Variants in DACH2 observed in about 807,000 individuals in gnomAD.
DACH2 encodes the protein dachshund family transcription factor 2, also known as dachshund homolog 2.
A neutral mutation model predicts 35.8 loss-of-function variants in DACH2; 17 were observed. The observed-to-expected ratio is 0.48, with a 90% CI of 0.33 to 0.71. The LOEUF (loss-of-function observed/expected upper bound fraction) is 0.71. Ranked by LOEUF, DACH2 falls within the 30% of genes least tolerant of loss-of-function variation. The pLI, the probability that DACH2 is intolerant of heterozygous loss-of-function variation, is 0.02. For synonymous variants in DACH2, 195 were observed against 177.3 expected (o/e 1.10, Z -0.79); for missense variants, 469 against 472.7 (o/e 0.99, Z 0.07).
intron 4 of DACH2, among the ~76,000 whole-genome samples, chrX:86,670,654 T>C (rs2040754321): frequency 9.0e-6 from 1 of 111,393 alleles, no homozygotes; most frequent in African/African-American, 3.3e-5. Context: ...ACAACAGCTT[T>C]TAACAGTAAA....
At chrX:86,549,295 C>T (rs11092801) in intron 3 of DACH2, among the ~76,000 whole-genome samples, 21,016 of 110,479 alleles carry the variant, frequency 0.19, 1,545 homozygotes, top group East Asian at 0.27. Context: ...TAATATGATA[C>T]ATGTTTAAAA....
chrX:86,687,310 A>G (rs1286342194), intron 4 of DACH2, among the ~76,000 whole-genome samples: 1 of 111,351 alleles, frequency 9.0e-6, no homozygotes, highest in Non-Finnish European at 1.9e-5. Flanking sequence ...ACCACTGGTC[A>G]CTAGAGAAAT....
chrX:86,216,612 A>G (rs187931856), intron 1 of DACH2, among the ~76,000 whole-genome samples: 1,222 of 111,762 alleles, frequency 0.011, 23 homozygotes, highest in African/African-American at 0.038. Flanking sequence ...TAAAAGTTTC[A>G]TATTTGAGAG....
chrX:86,268,816 G>A (rs1184025531), intron 1 of DACH2, among the ~76,000 whole-genome samples: 1 of 110,705 alleles, frequency 9.0e-6, no homozygotes, highest in Non-Finnish European at 1.9e-5. Flanking sequence ...TTACAAGTGT[G>A]ACTCACCGAG....
chrX:86,411,850 A>G (rs1315769221), intron 2 of DACH2, among the ~76,000 whole-genome samples: 3 of 110,993 alleles, frequency 2.7e-5, no homozygotes, highest in South Asian at 3.8e-4. Context: ...CAAGCACCTC[A>G]GCAGGTTGTG....
At chrX:86,492,347 A>G (rs2038105655) in intron 2 of DACH2, among the ~76,000 whole-genome samples, 1 of 111,807 alleles carries the variant, frequency 8.9e-6, no homozygotes, top group Non-Finnish European at 1.9e-5. Context: ...AACTTTTTCC[A>G]CTACAACACA....
intron 3 of DACH2, among the ~76,000 whole-genome samples, chrX:86,603,507 C>T (rs373299122): frequency 2.6e-4 from 29 of 110,739 alleles, no homozygotes; most frequent in East Asian, 2.6e-3. Context: ...AAAATCTCAT[C>T]TAAATCATCT....
intron 3 of DACH2, among the ~76,000 whole-genome samples, chrX:86,568,243 T>C (rs2039317808): frequency 9.0e-6 from 1 of 111,188 alleles, no homozygotes; most frequent in Non-Finnish European, 1.9e-5. Context: ...CGAAATCACA[T>C]AGAATATACA....
At chrX:86,819,127 A>G (rs947109510) in intron 11 of DACH2, among the ~76,000 whole-genome samples, 4 of 108,608 alleles carry the variant, frequency 3.7e-5, no homozygotes, top group African/African-American at 1.3e-4. Context: ...GTTGTTTGAC[A>G]GAGACGATAA....
intron 3 of DACH2, among the ~76,000 whole-genome samples, chrX:86,517,866 A>G (rs1171414354): frequency 9.0e-6 from 1 of 111,440 alleles, no homozygotes; most frequent in Non-Finnish European, 1.9e-5. Flanking sequence ...CTCTGTTGAT[A>G]GTTTCTTTTG....
intron 1 of DACH2, among the ~76,000 whole-genome samples, chrX:86,330,894 T>C (rs771637024): frequency 2.7e-5 from 3 of 112,029 alleles, no homozygotes; most frequent in Non-Finnish European, 5.6e-5. Context: ...GATTTTGTCC[T>C]GAGTTCCTAA....
At chrX:86,271,422 A>G (rs2033811742) in intron 1 of DACH2, among the ~76,000 whole-genome samples, 1 of 112,251 alleles carries the variant, frequency 8.9e-6, no homozygotes, top group Non-Finnish European at 1.9e-5. Context: ...ATATTTCTAT[A>G]ATATATTTGC....
chrX:86,726,470 G>A (rs1283690868), intron 6 of DACH2, among the ~76,000 whole-genome samples: 8 of 111,041 alleles, frequency 7.2e-5, no homozygotes, highest in African/African-American at 2.6e-4. Context: ...GCAGCCTCAA[G>A]CAGGGTGGCG....
intron 2 of DACH2, among the ~76,000 whole-genome samples, chrX:86,419,526 T>G (rs137975941): frequency 5.4e-5 from 6 of 111,312 alleles, no homozygotes; most frequent in East Asian, 5.7e-4. Flanking sequence ...ATAAGAACAG[T>G]GCAGTAAAGA....
At chrX:86,500,260 A>G (rs1250900292) in intron 2 of DACH2, among the ~76,000 whole-genome samples, 1 of 111,769 alleles carries the variant, frequency 8.9e-6, no homozygotes, top group Non-Finnish European at 1.9e-5. Flanking sequence ...TTGAATTATA[A>G]CATTTTGTTC....
At chrX:86,783,861 G>A (rs2042111899) in intron 7 of DACH2, among the ~76,000 whole-genome samples, 1 of 111,300 alleles carries the variant, frequency 9.0e-6, no homozygotes, top group African/African-American at 3.3e-5. Flanking sequence ...AGGGTCAGGG[G>A]AGGGAGTTGG....
At chrX:86,550,335 T>A (rs1476094990) in intron 3 of DACH2, among the ~76,000 whole-genome samples, 7 of 111,320 alleles carry the variant, frequency 6.3e-5, no homozygotes, top group Admixed American at 9.6e-5. Context: ...ATGGAAAAAA[T>A]TTATTTGAAA....
At chrX:86,645,337 A>AAAAATGCAAATCAAAATT (rs1233835370) in intron 3 of DACH2, among the ~76,000 whole-genome samples, 1 of 111,565 alleles carries the variant, frequency 9.0e-6, no homozygotes, top group Non-Finnish European at 1.9e-5. Context: ...TGATCATTAT[A>AAAAATGCAAATCAAAATT]AAAATGCAAA....
chrX:86,757,364 A>G (rs942624470), intron 7 of DACH2, among the ~76,000 whole-genome samples: 12 of 111,507 alleles, frequency 1.1e-4, no homozygotes, highest in African/African-American at 3.9e-4. Flanking sequence ...TGGTTTTGGT[A>G]TCAGGCTAAT....
Sources: gnomAD v4.1 joint callset for allele counts (sites outside exome capture counted in the v4.1 genomes callset) on GRCh38, gnomAD v4.1.1 for gene constraint, MANE v1.5 for transcripts, NCBI Gene and HGNC (gene_info 2026-07-23, HGNC 2026-07-21) for gene names.